The following MARCHF1 variants were observed in gnomAD, a reference collection of about 807,000 sequenced individuals.
MARCHF1 encodes the protein membrane associated ring-CH-type finger 1, also known as E3 ubiquitin-protein ligase MARCHF1.
In MARCHF1, 40 loss-of-function variants were observed where a neutral mutation model predicts 54.2. That is an observed-to-expected ratio of 0.74 (90% CI 0.57 to 0.96). The LOEUF (loss-of-function observed/expected upper bound fraction) is 0.96. MARCHF1 is among the 40% of genes least tolerant of loss of function. The pLI, the probability that MARCHF1 is intolerant of heterozygous loss-of-function variation, is 0.00. For synonymous variants in MARCHF1, 236 were observed against 236.3 expected (o/e 1.00, Z 0.01); for missense variants, 586 against 656.5 (o/e 0.89, Z 1.17).
At chr4:163,661,314 A>G (rs1432508085) in intron 5 of MARCHF1, among the ~76,000 whole-genome samples, 2 of 152,004 alleles carry the variant, frequency 1.3e-5, no homozygotes, top group Non-Finnish European at 2.9e-5. Flanking sequence ...CGAATACATC[A>G]GAAAATCTAT....
chr4:163,533,396 A>T (rs772060326), intron 9 of MARCHF1, among the ~76,000 whole-genome samples: 4 of 151,922 alleles, frequency 2.6e-5, no homozygotes, highest in Non-Finnish European at 4.4e-5. Flanking sequence ...TAAGGCGGCA[A>T]CACCATTCTG....
At chr4:164,356,120 G>C (rs1730523785) in intron 1 of MARCHF1, among the ~76,000 whole-genome samples, 1 of 127,498 alleles carries the variant, frequency 7.8e-6, no homozygotes, top group Admixed American at 7.8e-5. Context: ...GAAACAACAG[G>C]TGCTGGAGAG....
At chr4:163,603,375 A>T (rs184211355) in intron 7 of MARCHF1, among the ~76,000 whole-genome samples, 1 of 152,176 alleles carries the variant, frequency 6.6e-6, no homozygotes, top group East Asian at 1.9e-4. Flanking sequence ...GCTTGGTTGT[A>T]TCCGCATTTG....
rs1249712866 is a variant in MARCHF1, at chr4:163,529,149, A to AT, written c.1340-104dup. 3 of 760,496 alleles carry AT rather than the reference A, an allele frequency of 3.9e-6. No individual in the cohort carries two copies. In the Admixed American group the frequency reaches 9.0e-5, roughly 23 times the overall value. 47.1% of individuals were successfully genotyped at this position (760,496 alleles called of 1,614,324 possible). A position where few individuals can be genotyped will look rare whatever the true frequency, so the allele number is the denominator to read the frequency against. On this transcript the variant is annotated intron_variant, in intron 9 of 9. Coordinates refer to ENST00000514618, the MANE Select transcript of MARCHF1 (RefSeq NM_001394959.1). Reference sequence around the variant, plus strand: ...TCAAAAGCCCGTGCTTGCCTTCTAGATTATGTATGTTAACAGAAATAATAT... The same window carrying AT: ...TCAAAAGCCCGTGCTTGCCTTCTAGATTTATGTATGTTAACAGAAATAATAT...
chr4:163,975,833 T>C (rs1453380747), intron 3 of MARCHF1, among the ~76,000 whole-genome samples: 17 of 152,156 alleles, frequency 1.1e-4, no homozygotes, highest in African/African-American at 3.6e-4. Context: ...AGACTTTGGG[T>C]ATTACTTTTT....
At chr4:164,200,611 A>T (rs958582113) in intron 1 of MARCHF1, among the ~76,000 whole-genome samples, 3 of 152,214 alleles carry the variant, frequency 2.0e-5, no homozygotes, top group African/African-American at 7.2e-5. Flanking sequence ...CAAAAATGTT[A>T]TACATTTAAC....
intron 4 of MARCHF1, among the ~76,000 whole-genome samples, chr4:163,705,645 G>C (rs1431234028): frequency 6.6e-6 from 1 of 151,796 alleles, no homozygotes; most frequent in African/African-American, 2.4e-5. Context: ...TCTAACATAA[G>C]CTCTAAGTAA....
intron 3 of MARCHF1, chr4:163,932,775 G>A: frequency 1.7e-6 from 1 of 579,844 alleles, no homozygotes; most frequent in Non-Finnish European, 3.4e-6. Context: ...GGAGAAAGTG[G>A]AGTCTGAGCT....
chr4:164,279,394 T>C (rs1733969153), intron 1 of MARCHF1, among the ~76,000 whole-genome samples: 1 of 151,346 alleles, frequency 6.6e-6, no homozygotes, highest in African/African-American at 2.4e-5. Flanking sequence ...CTGTCAAAAC[T>C]AAAAGGAAAG....
At chr4:163,622,235 G>T (rs1489166945) in intron 5 of MARCHF1, among the ~76,000 whole-genome samples, 1 of 151,940 alleles carries the variant, frequency 6.6e-6, no homozygotes, top group Admixed American at 6.6e-5. Context: ...GGGTTGGAAG[G>T]CCAGGGCCTG....
intron 5 of MARCHF1, among the ~76,000 whole-genome samples, chr4:163,624,379 T>C (rs918625972): frequency 1.3e-5 from 2 of 152,212 alleles, no homozygotes; most frequent in Non-Finnish European, 2.9e-5. Context: ...TTTACATTTC[T>C]TAGATTCTGC....
At chr4:164,375,439 T>G (rs950536221) in intron 1 of MARCHF1, among the ~76,000 whole-genome samples, 1 of 152,174 alleles carries the variant, frequency 6.6e-6, no homozygotes, top group African/African-American at 2.4e-5. Flanking sequence ...ACAAATACAT[T>G]GAGTAATAAA....
At chr4:164,130,701 G>T (rs1190238403) in intron 1 of MARCHF1, among the ~76,000 whole-genome samples, 1 of 152,094 alleles carries the variant, frequency 6.6e-6, no homozygotes, top group African/African-American at 2.4e-5. Flanking sequence ...GAAATTAAAT[G>T]ACTTCTCTAA....
intron 3 of MARCHF1, among the ~76,000 whole-genome samples, chr4:163,941,842 A>T (rs2110752786): frequency 6.6e-6 from 1 of 152,302 alleles, no homozygotes; most frequent in South Asian, 2.1e-4. Flanking sequence ...AAATGTTTTA[A>T]AATTACTATT....
At chr4:163,830,404 T>C (rs574076715) in intron 4 of MARCHF1, among the ~76,000 whole-genome samples, 1 of 152,200 alleles carries the variant, frequency 6.6e-6, no homozygotes, top group South Asian at 2.1e-4. Flanking sequence ...GAGGCAACTC[T>C]CTACCTGAAA....
chr4:164,319,567 AG>A (rs1208319118), intron 1 of MARCHF1, among the ~76,000 whole-genome samples: 2 of 152,214 alleles, frequency 1.3e-5, no homozygotes, highest in African/African-American at 4.8e-5. Context: ...TGAGGTAAAA[AG>A]GTCTTTAAAA....
At position 163,965,342 on chromosome 4, in the gene MARCHF1, T is replaced by G. The variant is rs969105690; in HGVS notation, c.-39+23159A>C. Among the ~76,000 whole-genome samples the G allele has an allele frequency of 4.5e-4, 68 of 152,072 alleles. 3 individuals carry two copies. On this transcript the variant is annotated intron_variant, in intron 3 of 9. Coordinates refer to ENST00000514618, the MANE Select transcript of MARCHF1 (RefSeq NM_001394959.1). ...GACGTCCACTACTCTGAGCACTTTA[T>G]GTAAATCAATTCATTGAATCCTCAT...
chr4:164,160,188 A>G (rs190408352), intron 1 of MARCHF1, among the ~76,000 whole-genome samples: 1 of 152,140 alleles, frequency 6.6e-6, no homozygotes. Flanking sequence ...AACGATGGGG[A>G]TATGTTCTGA....
intron 8 of MARCHF1, among the ~76,000 whole-genome samples, chr4:163,545,949 G>GTA (rs1206552709): frequency 8.7e-5 from 2 of 22,974 alleles, no homozygotes; most frequent in Non-Finnish European, 2.0e-4. Context: ...AAATACATAT[G>GTA]TGTGTGTGTG....
Sources: gnomAD v4.1 joint callset for allele counts (sites outside exome capture counted in the v4.1 genomes callset) on GRCh38, gnomAD v4.1.1 for gene constraint, MANE v1.5 for transcripts, NCBI Gene and HGNC (gene_info 2026-07-23, HGNC 2026-07-21) for gene names.